Variants in PLGRKT observed in about 807,000 individuals in gnomAD.
PLGRKT encodes plasminogen receptor (KT).
PLGRKT carries 22 observed loss-of-function variants against 18.5 expected under a neutral mutation model. The ratio of observed to expected loss-of-function variants is 1.19; its 90% confidence interval spans 0.85 to 1.70. The LOEUF (loss-of-function observed/expected upper bound fraction) is 1.70, where lower values mean the gene tolerates loss of function less well. Ranked by LOEUF, PLGRKT falls within the 40% of genes most tolerant of loss-of-function variation. The pLI is 0.00. For synonymous variants in PLGRKT, 72 were observed against 52.8 expected (o/e 1.36, Z -1.58); for missense variants, 235 against 174.4 (o/e 1.35, Z -1.96).
intron 3 of PLGRKT, among the ~76,000 whole-genome samples, chr9:5,393,217 T>C (rs1309767118): frequency 6.6e-6 from 1 of 151,886 alleles, no homozygotes; most frequent in Admixed American, 6.5e-5. Flanking sequence ...ATTTTCTCCC[T>C]CAGTGAGTGA....
intron 3 of PLGRKT, among the ~76,000 whole-genome samples, chr9:5,414,406 G>A (rs772868862): frequency 6.6e-6 from 1 of 152,150 alleles, no homozygotes; most frequent in South Asian, 2.1e-4. Flanking sequence ...GACTCCAGGT[G>A]ATCTGCCTAC....
chr9:5,397,174 G>C (rs772568081), intron 3 of PLGRKT, among the ~76,000 whole-genome samples: 1 of 151,884 alleles, frequency 6.6e-6, no homozygotes, highest in Non-Finnish European at 1.5e-5. Flanking sequence ...CAGATTGTAG[G>C]CTACTCGTGC....
chr9:5,418,735 G>A lies in PLGRKT; in HGVS notation c.81+13162C>T, dbSNP rs776853563. ...GACCGGCATGTGCTCCGAAGCGTGT[G>A]GAATGGTGATGACAGCCAGGACCTC... is the stretch of plus-strand genomic sequence containing the variant. On this transcript the variant is annotated intron_variant, in intron 3 of 5. Transcript: ENST00000223864. The surrounding 1 kb of genome is among the most constrained non-coding windows in gnomAD (Gnocchi z 4.2). 2.8e-5 allele frequency: 19 copies of A among 679,302 alleles called. No individual in the cohort carries two copies. Among genetic ancestry groups the A allele is most frequent in the Non-Finnish European group, 4.6e-5 (17 of 370,372 alleles). 42.1% of individuals were successfully genotyped at this position (679,302 alleles called of 1,614,324 possible). A position where few individuals can be genotyped will look rare whatever the true frequency, so the allele number is the denominator to read the frequency against.
chr9:5,368,260 G>C (rs1397655870), intron 3 of PLGRKT, among the ~76,000 whole-genome samples: 3 of 151,938 alleles, frequency 2.0e-5, no homozygotes, highest in Non-Finnish European at 4.4e-5. Context: ...TAAATAATTT[G>C]ACAAAAAAGA....
chr9:5,418,805 T>A lies in PLGRKT; in HGVS notation c.81+13092A>T. 1 of 928,150 alleles carries A rather than the reference T, an allele frequency of 1.1e-6. No homozygotes were observed. The highest frequency in any genetic ancestry group is 1.7e-6 in the Non-Finnish European group (1 of 578,118). The allele number at this position is 928,150 out of a possible 1,614,324, so 57.5% of individuals were successfully genotyped here. On this transcript the variant is annotated intron_variant, in intron 3 of 5. Transcript: ENST00000223864. The surrounding 1 kb of genome is among the most constrained non-coding windows in gnomAD (Gnocchi z 4.2). ...GACACGGAGAAGTCAGGGGGCAGCT[T>A]GGTGACACCGCTGCACCAGGGGCAT...
At chr9:5,419,930 AC>A (rs1818542565) in intron 3 of PLGRKT, among the ~76,000 whole-genome samples, 1 of 152,262 alleles carries the variant, frequency 6.6e-6, no homozygotes, top group South Asian at 2.1e-4. Context: ...AAGAATGTTC[AC>A]AGCAGCACTA....
chr9:5,387,966 A>G (rs1024245799), intron 3 of PLGRKT, among the ~76,000 whole-genome samples: 4 of 151,694 alleles, frequency 2.6e-5, no homozygotes, highest in African/African-American at 9.7e-5. Flanking sequence ...AGCTGAAATG[A>G]TTTTCTGATG....
At chr9:5,395,524 A>C (rs1818027589) in intron 3 of PLGRKT, among the ~76,000 whole-genome samples, 1 of 151,912 alleles carries the variant, frequency 6.6e-6, no homozygotes, top group Non-Finnish European at 1.5e-5. Flanking sequence ...AGTAACATTC[A>C]TTATGAAATA....
At position 5,366,010 on chromosome 9, in the gene PLGRKT, A is replaced by G. The variant is rs905041272; in HGVS notation, c.82-4122T>C. On this transcript the variant is annotated intron_variant, in intron 3 of 5. Transcript: ENST00000223864. ...TTCCATGCAGACTCTCTCCATGAGC[A>G]AAACATTCTAATGAAAGATATTTTG... Among the ~76,000 whole-genome samples the G allele has an allele frequency of 3.9e-5, 6 of 152,306 alleles. No individual in the cohort carries two copies. The South Asian group carries it at 1.2e-3, about 32-fold the overall frequency.
chr9:5,421,686 C>T (rs183401524), intron 3 of PLGRKT, among the ~76,000 whole-genome samples: 3 of 152,340 alleles, frequency 2.0e-5, no homozygotes, highest in Non-Finnish European at 4.4e-5. Context: ...GTATGTGGGA[C>T]ATCTCACTTA....
intron 3 of PLGRKT, among the ~76,000 whole-genome samples, chr9:5,368,377 T>C (rs555921892): frequency 2.6e-4 from 39 of 152,300 alleles, no homozygotes; most frequent in Non-Finnish European, 5.1e-4. Context: ...GTGGTACATA[T>C]ACATCATGGA....
chr9:5,413,586 T>C (rs1006520228), intron 3 of PLGRKT, among the ~76,000 whole-genome samples: 1 of 152,214 alleles, frequency 6.6e-6, no homozygotes, highest in African/African-American at 2.4e-5. Flanking sequence ...AGCCAAGGAA[T>C]GCAGGCAGCC....
intron 3 of PLGRKT, among the ~76,000 whole-genome samples, chr9:5,380,738 T>A (rs1175452362): frequency 1.3e-5 from 2 of 152,230 alleles, no homozygotes; most frequent in Admixed American, 6.5e-5. Context: ...TGCCATAACC[T>A]TGGTGCCTAG....
chr9:5,414,988 C>G (rs1276194208), intron 3 of PLGRKT, among the ~76,000 whole-genome samples: 1 of 152,132 alleles, frequency 6.6e-6, no homozygotes, highest in Non-Finnish European at 1.5e-5. Flanking sequence ...ACATACATGT[C>G]TTTGCTAAGA....
intron 5 of PLGRKT, among the ~76,000 whole-genome samples, chr9:5,360,717 G>A (rs1817244052): frequency 6.6e-6 from 1 of 152,150 alleles, no homozygotes; most frequent in Non-Finnish European, 1.5e-5. Flanking sequence ...CCAGAGTATG[G>A]ATAATAGTAA....
At chr9:5,411,213 G>A (rs1422723567) in intron 3 of PLGRKT, among the ~76,000 whole-genome samples, 7 of 151,682 alleles carry the variant, frequency 4.6e-5, no homozygotes, top group Admixed American at 1.3e-4. Context: ...GTGAAACCCC[G>A]TCTCTACTAA....
chr9:5,401,464 G>A (rs1188918862), intron 3 of PLGRKT, among the ~76,000 whole-genome samples: 1 of 151,888 alleles, frequency 6.6e-6, no homozygotes, highest in Non-Finnish European at 1.5e-5. Context: ...TTGTAATTAA[G>A]ACTGTTAACC....
chr9:5,372,857 A>G (rs1817549046), intron 3 of PLGRKT, among the ~76,000 whole-genome samples: 1 of 152,180 alleles, frequency 6.6e-6, no homozygotes, highest in Non-Finnish European at 1.5e-5. Flanking sequence ...TCCAACTAGT[A>G]TTACCTGCCA....
chr9:5,373,236 T>G (rs1319044869), intron 3 of PLGRKT, among the ~76,000 whole-genome samples: 1 of 152,198 alleles, frequency 6.6e-6, no homozygotes, highest in Non-Finnish European at 1.5e-5. Context: ...CAGCATTTTA[T>G]GCCCCTATCC....
Sources: allele counts gnomAD v4.1 joint callset (sites outside exome capture counted in the v4.1 genomes callset), GRCh38; gene constraint gnomAD v4.1.1; non-coding constraint Gnocchi (gnomAD v3.1); transcripts MANE v1.5; gene names NCBI Gene and HGNC (gene_info 2026-07-23, HGNC 2026-07-21).